The following DISP3 variants were observed in gnomAD, a reference collection of about 807,000 sequenced individuals.
The protein encoded by DISP3 is protein dispatched homolog 3.
In DISP3, 101 loss-of-function variants were observed where a neutral mutation model predicts 135.3. That is an observed-to-expected ratio of 0.75 (90% CI 0.64 to 0.88). DISP3 has a LOEUF of 0.88. Among genes scored for constraint, DISP3 ranks in the 40% least tolerant of loss-of-function variants. DISP3 has a pLI of 0.00. For synonymous variants in DISP3, 856 were observed against 817.0 expected, an observed-to-expected ratio of 1.05 and a Z score of -0.81; for missense variants, 1,713 against 1,878.6, an observed-to-expected ratio of 0.91 and a Z score of 1.63.
In DISP3 at chr1:11,536,473, G is replaced by C; in HGVS notation, c.3966G>C (p.Val1322=). 1 of 1,613,650 alleles carries C rather than the reference G, an allele frequency of 6.2e-7. No individual in the cohort carries two copies. Among genetic ancestry groups the C allele is most frequent in the Non-Finnish European group, 8.5e-7 (1 of 1,179,994 alleles). Residue 1322 remains valine (V), a synonymous_variant, in exon 21 of 21, where the codon GTG becomes GTC. Transcript: ENST00000294484. The surrounding 1 kb of genome is among the most constrained non-coding windows in gnomAD (Gnocchi z 4.3). ...CATTTGCCAAGTTCGGCAAGATTGT[G>C]GCACTCAACACGGGCGTGTCCATCC... ...IAPFAKFGKI[V]ALNTGVSILY...
chr1:11,525,329 G>T lies in DISP3; in HGVS notation c.2613+17G>T. ...TCCTTCCAGGTGAGCCTGGGCTGTC[G>T]TGAAGTGAGCCGCCACCACTGTGGG... On this transcript the variant is annotated intron_variant, in intron 12 of 20. Transcript: ENST00000294484. 1 of 1,606,284 alleles carries T rather than the reference G, an allele frequency of 6.2e-7. No individual in the cohort carries two copies. Among genetic ancestry groups the T allele is most frequent in the South Asian group, 1.1e-5 (1 of 90,820 alleles).
intron 12 of DISP3, 109 bp from the exon 13 acceptor site, chr1:11,526,541 TG>T: frequency 1.6e-6 from 2 of 1,278,480 alleles, no homozygotes; most frequent in Non-Finnish European, 2.2e-6. Context: ...CTCCGAGGAC[TG>T]GGACAGGGTG....
chr1:11,514,574 C>G, intron 4 of DISP3, 48 bp downstream of exon 4: 1 of 1,589,398 alleles, frequency 6.3e-7, no homozygotes, highest in South Asian at 1.1e-5. Context: ...CAGGGTGCTC[C>G]TGTCTGCCCA....
At chr1:11,533,719 C>T (rs1642631086) in intron 17 of DISP3, 1 of 290,588 alleles carries the variant, frequency 3.4e-6, no homozygotes, top group Non-Finnish European at 6.3e-6. Context: ...CTGACCCCAC[C>T]AGCACTCAGA....
intron 7 of DISP3, 104 bp downstream of exon 7, chr1:11,517,706 T>C: frequency 2.1e-6 from 3 of 1,412,028 alleles, no homozygotes; most frequent in Middle Eastern, 2.1e-4. Context: ...GTATGACCAG[T>C]CCTTTGCTAG....
intron 10 of DISP3, among the ~76,000 whole-genome samples, chr1:11,523,014 C>G (rs1186282496): frequency 1.3e-5 from 2 of 152,160 alleles, no homozygotes; most frequent in East Asian, 3.9e-4. Context: ...CTCCCTGTGC[C>G]TCTTCCTCTG....
rs770324130 is a variant in DISP3 at position 11,535,074 on chromosome 1, T to C, written c.3599T>C (p.Val1200Ala). Reference sequence around the variant, plus strand: ...CTCATCTGCGTGGCCGCGGTGGCCGTGTTCACCACCCACATCCTGCTCCTG... The same window carrying C: ...CTCATCTGCGTGGCCGCGGTGGCCGCGTTCACCACCCACATCCTGCTCCTG... ...SLLICVAAVA[V>A]FTTHILLLLP... Residue 1200 changes from valine (V) to alanine (A), a missense_variant, in exon 19 of 21, where the codon GTG becomes GCG. Transcript: ENST00000294484. The C allele has an allele frequency of 6.2e-7, 1 of 1,609,064 alleles. No individual in the cohort carries two copies. The highest frequency in any genetic ancestry group is 1.1e-5 in the South Asian group (1 of 89,834).
intron 3 of DISP3, among the ~76,000 whole-genome samples, chr1:11,507,145 C>T (rs1242369106): frequency 6.6e-6 from 1 of 152,110 alleles, no homozygotes; most frequent in Non-Finnish European, 1.5e-5. Context: ...ATGTTATTTC[C>T]TCCAGAGAAA....
Position 11,499,334 on chromosome 1 carries a change from C to T in DISP3, c.-3-1656C>T, listed in dbSNP as rs1264144326. ...GCCCCTCCCCTCTCCACCTTATTCC[C>T]ATCAGCTTTCTTCTTCTAAGGCCAA... On this transcript the variant is annotated intron_variant, in intron 1 of 20. Coordinates refer to ENST00000294484, the MANE Select transcript of DISP3 (RefSeq NM_020780.2). The surrounding 1 kb of genome is among the most constrained non-coding windows in gnomAD (Gnocchi z 5.2). Among the ~76,000 whole-genome samples, 1 of 152,140 alleles carries T rather than the reference C, an allele frequency of 6.6e-6. No homozygotes were observed. The highest frequency in any genetic ancestry group is 1.5e-5 in the Non-Finnish European group (1 of 68,036).
chr1:11,520,897 C>T lies in DISP3; in HGVS notation c.2362+49C>T. On this transcript the variant is annotated intron_variant, in intron 10 of 20. Transcript: ENST00000294484. This position sits in a 1 kb window ranked among gnomAD's most constrained non-coding sequence, Gnocchi z 4.8. The stretch of plus-strand genomic sequence containing the variant: ...CCTGGCCCGCTCAGGTGTCCGGGTC[C>T]CAAAGACTGTTGGTCTGAGAGATGC... The T allele has an allele frequency of 6.5e-7, 1 of 1,529,916 alleles. No individual in the cohort carries two copies. The highest frequency in any genetic ancestry group is 2.4e-5 in the East Asian group (1 of 40,830). 94.8% of individuals were successfully genotyped at this position (1,529,916 alleles called of 1,614,324 possible). A position where few individuals can be genotyped will look rare whatever the true frequency, so the allele number is the denominator to read the frequency against.
At chr1:11,485,299 G>C (rs1466670762) in intron 1 of DISP3, among the ~76,000 whole-genome samples, 1 of 152,196 alleles carries the variant, frequency 6.6e-6, no homozygotes, top group Non-Finnish European at 1.5e-5. Context: ...CAACTAGACT[G>C]TCCATGAGCT....
At chr1:11,526,528 C>A in intron 12 of DISP3, 123 bp from the exon 13 acceptor site, 1 of 1,166,544 alleles carries the variant, frequency 8.6e-7, no homozygotes, top group Admixed American at 2.0e-5. Context: ...GCTCTGTCCC[C>A]AACTCCGAGG....
At chr1:11,496,822 T>C (rs1462674388) in intron 1 of DISP3, among the ~76,000 whole-genome samples, 1 of 151,796 alleles carries the variant, frequency 6.6e-6, no homozygotes, top group East Asian at 1.9e-4. Context: ...ACTCCAGGGG[T>C]GGCACAGCTG....
chr1:11,497,578 C>T (rs998735536), intron 1 of DISP3, among the ~76,000 whole-genome samples: 1 of 152,084 alleles, frequency 6.6e-6, no homozygotes, highest in Non-Finnish European at 1.5e-5. Flanking sequence ...TTAGTAGAGA[C>T]GGGGTTTCAC....
At chr1:11,530,372 G>A (rs982407537) in intron 15 of DISP3, among the ~76,000 whole-genome samples, 4 of 152,202 alleles carry the variant, frequency 2.6e-5, no homozygotes, top group Non-Finnish European at 2.9e-5. Flanking sequence ...CTTGAGCCGG[G>A]ACTGTTCTGG....
intron 7 of DISP3, 109 bp downstream of exon 7, chr1:11,517,711 T>A: frequency 7.2e-7 from 1 of 1,383,184 alleles, no homozygotes; most frequent in Non-Finnish European, 9.8e-7. Context: ...ACCAGTCCTT[T>A]GCTAGGCAGG....
chr1:11,531,759 G>A lies in DISP3; in HGVS notation c.3375+49G>A, dbSNP rs370206369. The A allele has an allele frequency of 2.6e-6, 4 of 1,547,578 alleles. No individual in the cohort carries two copies. In the South Asian group the frequency reaches 3.7e-5, roughly 14 times the overall value. On this transcript the variant is annotated intron_variant, in intron 17 of 20. Coordinates refer to ENST00000294484, the MANE Select transcript of DISP3 (RefSeq NM_020780.2). The surrounding 1 kb of genome is among the most constrained non-coding windows in gnomAD (Gnocchi z 5.2). ...GTGCCATGCTGCGTACTTGCCCGGG[G>A]TGTGCCACCTCTGATCCCAGCCCTC...
In DISP3 at chr1:11,520,725, G is replaced by T; in HGVS notation, c.2239G>T (p.Ala747Ser). 2 of 1,612,746 alleles carry T rather than the reference G, an allele frequency of 1.2e-6. No homozygotes were observed. Among genetic ancestry groups the T allele is most frequent in the Non-Finnish European group, 1.7e-6 (2 of 1,179,880 alleles). Residue 747 changes from alanine to serine, a missense_variant, in exon 10 of 21, where the codon GCC (alanine) becomes TCC (serine). This residue lies in a region of DISP3 where 1,142 missense variants were observed against 1,384.6 expected (regional missense o/e 0.82). Transcript: ENST00000294484. The surrounding 1 kb of genome is among the most constrained non-coding windows in gnomAD (Gnocchi z 4.8). ...CATCCTCATCTTGTCCCTGGTGTTC[G>T]CCAGCCGGCTCCGCCCCGCCAGCCG... Reference protein sequence around the residue: ...VSILILSLVFASRLRPASRAP... With the variant: ...VSILILSLVFSSRLRPASRAP...
At chr1:11,521,552 G>A (rs1424863901) in intron 10 of DISP3, among the ~76,000 whole-genome samples, 35 of 134,440 alleles carry the variant, frequency 2.6e-4, no homozygotes, top group Admixed American at 2.5e-3. Flanking sequence ...TTAACCAGGC[G>A]GGGAGGGGAG....
Sources: allele counts gnomAD v4.1 joint callset (sites outside exome capture counted in the v4.1 genomes callset), GRCh38; gene constraint gnomAD v4.1.1; regional missense constraint gnomAD v4.1.1; non-coding constraint Gnocchi (gnomAD v3.1); transcripts MANE v1.5; gene names NCBI Gene and HGNC (gene_info 2026-07-23, HGNC 2026-07-21).